The following MYRF variants were observed in gnomAD, a reference collection of about 807,000 sequenced individuals.
MYRF encodes myelin gene regulatory factor.
A neutral mutation model predicts 126.3 loss-of-function variants in MYRF; 16 were observed. That is an observed-to-expected ratio of 0.13 (90% CI 0.09 to 0.19). The LOEUF (loss-of-function observed/expected upper bound fraction) is 0.19, where lower values mean the gene tolerates loss of function less well. Among genes scored for constraint, MYRF ranks in the 10% least tolerant of loss-of-function variants. MYRF has a pLI of 1.00. For synonymous variants in MYRF, 608 were observed against 635.3 expected (o/e 0.96, Z 0.65); for missense variants, 1,104 against 1,547.0 (o/e 0.71, Z 4.80).
intron 3 of MYRF, 165 bp downstream of exon 3, chr11:61,766,386 G>T (rs1409849003): frequency 8.6e-6 from 6 of 697,232 alleles, no homozygotes; most frequent in Non-Finnish European, 1.4e-5. Context: ...TCCAGGTCAA[G>T]GGGGGACTCC....
rs984280712 is a variant in MYRF at position 61,767,422 on chromosome 11, A to T, written c.398+1201A>T. ...GCTACCGTCAGGATTTTAATGGCAC[A>T]CTGAGGCTCAGAGAGGGAAAGGGGC... On this transcript the variant is annotated intron_variant, in intron 3 of 26. Transcript: ENST00000278836. The T allele has an allele frequency of 2.4e-5, 11 of 456,552 alleles. No individual in the cohort carries two copies. The East Asian group carries it at 4.2e-4, about 17-fold the overall frequency. The allele number at this position is 456,552 out of a possible 1,614,324, so 28.3% of individuals were successfully genotyped here. A position where few individuals can be genotyped will look rare whatever the true frequency, so the allele number is the denominator to read the frequency against.
chr11:61,781,130 C>G lies in MYRF; in HGVS notation c.2573-8C>G, dbSNP rs1316665171. 1.2e-6 allele frequency: 2 copies of G among 1,612,982 alleles called. No individual in the cohort carries two copies. Among genetic ancestry groups the G allele is most frequent in the Non-Finnish European group, 1.7e-6 (2 of 1,179,972 alleles). On this transcript the variant is annotated splice_region_variant and splice_polypyrimidine_tract_variant and intron_variant, in intron 20 of 26. Transcript: ENST00000278836. The stretch of plus-strand genomic sequence containing the variant: ...TTCTCTGGCTCATACAGCCTCTGGC[C>G]TCCTCAGTGACCACCAGCCTCACCA...
In MYRF at chr11:61,766,193, G is replaced by T; in HGVS notation, c.370G>T (p.Ala124Ser). ...FPGGTGPPIK[A>S]EPKAPYAPGT... ...GGGGGGCACCGGGCCCCCCATCAAG[G>T]CTGAGCCCAAGGCTCCCTATGCCCC... The change falls in exon 3 of 27, where the codon GCT becomes TCT. Residue 124 changes from alanine (A) to serine (S), a missense_variant. By Grantham distance (99) the Ala-to-Ser change is moderately conservative. Transcript: ENST00000278836. The T allele has an allele frequency of 6.2e-7, 1 of 1,610,300 alleles. No homozygotes were observed. The highest frequency in any genetic ancestry group is 1.1e-5 in the South Asian group (1 of 90,970).
Position 61,786,282 on chromosome 11 carries a change from T to A in MYRF, c.*139T>A. Reference sequence around the variant, plus strand: ...TGGCCCTACCCGAGACTGGTGAAACTGGAAGTCTTCACACTGGAGTTGCTG... The same window carrying A: ...TGGCCCTACCCGAGACTGGTGAAACAGGAAGTCTTCACACTGGAGTTGCTG... On this transcript the variant is annotated 3_prime_UTR_variant, in exon 27 of 27. Coordinates refer to ENST00000278836, the MANE Select transcript of MYRF (RefSeq NM_001127392.3). This position sits in a 1 kb window ranked among gnomAD's most constrained non-coding sequence, Gnocchi z 4.5. 1 of 804,886 alleles carries A rather than the reference T, an allele frequency of 1.2e-6. No individual in the cohort carries two copies. Among genetic ancestry groups the A allele is most frequent in the Non-Finnish European group, 2.0e-6 (1 of 495,844 alleles). 49.9% of individuals were successfully genotyped at this position (804,886 alleles called of 1,614,324 possible). A position where few individuals can be genotyped will look rare whatever the true frequency, so the allele number is the denominator to read the frequency against.
At position 61,786,022 on chromosome 11, in the gene MYRF, C is replaced by A; in HGVS notation, c.3376-41C>A. Reference sequence around the variant, plus strand: ...AGCAGGGAGTGCCATCTGCCCCGCACCCCCAGAGCCACCTCACCTTCCCAC... The same window carrying A: ...AGCAGGGAGTGCCATCTGCCCCGCAACCCCAGAGCCACCTCACCTTCCCAC... On this transcript the variant is annotated intron_variant, in intron 26 of 26. Coordinates refer to ENST00000278836, the MANE Select transcript of MYRF (RefSeq NM_001127392.3). This position sits in a 1 kb window ranked among gnomAD's most constrained non-coding sequence, Gnocchi z 4.5. The A allele has an allele frequency of 6.2e-7, 1 of 1,602,368 alleles. No individual in the cohort carries two copies. Among genetic ancestry groups the A allele is most frequent in the Non-Finnish European group, 8.6e-7 (1 of 1,169,412 alleles).
intron 1 of MYRF, among the ~76,000 whole-genome samples, chr11:61,762,113 A>G (rs2065916196): frequency 6.6e-6 from 1 of 152,286 alleles, no homozygotes; most frequent in Admixed American, 6.5e-5. Flanking sequence ...TGGCTTTCTC[A>G]GGCTTAGGGA....
intron 1 of MYRF, among the ~76,000 whole-genome samples, chr11:61,758,124 G>T (rs1159710647): frequency 1.3e-5 from 2 of 152,118 alleles, no homozygotes; most frequent in East Asian, 3.9e-4. Context: ...TGGGTGGGGA[G>T]TACAGTTGGG....
At chr11:61,767,281 A>T (rs1320551119) in intron 3 of MYRF, 2 of 456,692 alleles carry the variant, frequency 4.4e-6, no homozygotes, top group Non-Finnish European at 8.8e-6. Flanking sequence ...GAGAACTAAC[A>T]TTTGGTAAGC....
rs368951319 is a variant in MYRF at position 61,777,744 on chromosome 11, C to G, written c.1802C>G (p.Thr601Ser). Reference sequence around the variant, plus strand: ...CCTGGCTCCCCGCAGGTGGACACCACCGAGCAATTGAAGAGGATCTCGCGC... The same window carrying G: ...CCTGGCTCCCCGCAGGTGGACACCAGCGAGCAATTGAAGAGGATCTCGCGC... ...AKEHVQEVDT[T>S]EQLKRISRMR... The change falls in exon 13 of 27, where the codon ACC becomes AGC. Residue 601 changes from threonine (T) to serine (S), a missense_variant. Thr to Ser is a moderately conservative substitution (Grantham distance 58, BLOSUM62 1). This residue lies in a region of MYRF where 123 missense variants were observed against 209.1 expected (regional missense o/e 0.59). Coordinates refer to ENST00000278836, the MANE Select transcript of MYRF (RefSeq NM_001127392.3). This position sits in a 1 kb window ranked among gnomAD's most constrained non-coding sequence, Gnocchi z 8.8. 26 of 1,550,904 alleles carry G rather than the reference C, an allele frequency of 1.7e-5. No individual in the cohort carries two copies. The highest frequency in any genetic ancestry group is 1.8e-5 in the Non-Finnish European group (21 of 1,146,492).
intron 7 of MYRF, 131 bp downstream of exon 7, chr11:61,772,083 G>A: frequency 7.4e-7 from 1 of 1,342,978 alleles, no homozygotes; most frequent in Non-Finnish European, 1.0e-6. Context: ...CAGGCTCAGG[G>A]AAGAGCCAGG....
intron 1 of MYRF, among the ~76,000 whole-genome samples, chr11:61,765,221 C>T (rs566057376): frequency 1.3e-4 from 20 of 152,346 alleles, no homozygotes; most frequent in Non-Finnish European, 2.4e-4. Flanking sequence ...ACGGGGCTCT[C>T]GACTCAGTAA....
At chr11:61,781,396 T>C in intron 21 of MYRF, 67 bp downstream of exon 21, 1 of 1,579,710 alleles carries the variant, frequency 6.3e-7, no homozygotes, top group Non-Finnish European at 8.6e-7. Context: ...GCCCAAATAC[T>C]CATTGGTGGG....
chr11:61,767,944 C>A (rs1480442271), intron 3 of MYRF, among the ~76,000 whole-genome samples: 1 of 151,276 alleles, frequency 6.6e-6, no homozygotes, highest in Admixed American at 6.6e-5. Flanking sequence ...ATGGTGAAAC[C>A]CTGTCTGTAC....
Position 61,766,129 on chromosome 11 carries a change from C to T in MYRF, c.306C>T (p.Asn102=). The change falls in exon 3 of 27, where the codon AAC becomes AAT. Residue 102 remains asparagine, a synonymous_variant. Transcript: ENST00000278836. The part of the protein sequence containing the change: ...PPGYGTPLNC[N]NNNGMGAAPK... Reference sequence around the variant, plus strand: ...GCTACGGCACCCCGCTGAACTGCAACAACAACAACGGCATGGGCGCTGCCC... The same window carrying T: ...GCTACGGCACCCCGCTGAACTGCAATAACAACAACGGCATGGGCGCTGCCC... 6.2e-7 allele frequency: 1 copy of T among 1,610,632 alleles called. No individual in the cohort carries two copies. Among genetic ancestry groups the T allele is most frequent in the Non-Finnish European group, 8.5e-7 (1 of 1,179,568 alleles).
At chr11:61,785,117 G>A (rs182717930) in intron 25 of MYRF, 4 of 153,244 alleles carry the variant, frequency 2.6e-5, no homozygotes, top group Non-Finnish European at 4.4e-5. Flanking sequence ...ACTCTATAGT[G>A]AGGGAGAAAA....
At chr11:61,780,598 C>G (rs1418703518) in intron 18 of MYRF, 114 bp from the exon 19 acceptor site, 1 of 1,068,346 alleles carries the variant, frequency 9.4e-7, no homozygotes, top group African/African-American at 1.6e-5. Flanking sequence ...CAGGGCAGGG[C>G]CTTGGGCTCT....
chr11:61,780,754 G>T lies in MYRF; in HGVS notation c.2448G>T (p.Arg816=). ...CTTCCTGTCTCCTGGCCCTGCTCCGGCCCCAGCCCCCTGGGGGGAGTGAGG... is the reference window on the plus strand; with the variant it reads ...CTTCCTGTCTCCTGGCCCTGCTCCGTCCCCAGCCCCCTGGGGGGAGTGAGG... ...VSTSCLLALL[R]PQPPGGSEAL... The change falls in exon 19 of 27, where the codon CGG becomes CGT. Residue 816 remains arginine (R), a synonymous_variant. Transcript: ENST00000278836. The T allele has an allele frequency of 6.5e-7, 1 of 1,548,348 alleles. No homozygotes were observed.
chr11:61,788,459 G>A lies in MYRF; in HGVS notation c.*2316G>A, dbSNP rs1408357578. ...CTTGCTTCCTGTCCCCGAAATGTTCGTTTCTTCTGAAGTAAATATACATAT... is the reference window on the plus strand; with the variant it reads ...CTTGCTTCCTGTCCCCGAAATGTTCATTTCTTCTGAAGTAAATATACATAT... On this transcript the variant is annotated 3_prime_UTR_variant, in exon 27 of 27. Transcript: ENST00000278836. 1.3e-5 allele frequency: 2 copies of A among 152,252 alleles called. No homozygotes were observed. The highest frequency in any genetic ancestry group is 6.5e-5 in the Admixed American group (1 of 15,280). 9.4% of individuals were successfully genotyped at this position (152,252 alleles called of 1,614,324 possible). A position where few individuals can be genotyped will look rare whatever the true frequency, so the allele number is the denominator to read the frequency against.
At chr11:61,753,566 G>C (rs115890843) in intron 1 of MYRF, among the ~76,000 whole-genome samples, 41 of 152,094 alleles carry the variant, frequency 2.7e-4, no homozygotes, top group African/African-American at 9.4e-4. Context: ...CATCCCACCA[G>C]CCCTCTGAGG....
Sources: allele counts gnomAD v4.1 joint callset (sites outside exome capture counted in the v4.1 genomes callset), GRCh38; gene constraint gnomAD v4.1.1; regional missense constraint gnomAD v4.1.1; non-coding constraint Gnocchi (gnomAD v3.1); transcripts MANE v1.5; gene names NCBI Gene and HGNC (gene_info 2026-07-23, HGNC 2026-07-21).